Variants in EPM2A observed in about 807,000 individuals in gnomAD.
EPM2A encodes the protein laforin.
EPM2A carries 21 observed loss-of-function variants against 26.5 expected under a neutral mutation model. The observed-to-expected ratio is 0.79, with a 90% CI of 0.56 to 1.14. The LOEUF (loss-of-function observed/expected upper bound fraction) is 1.14. EPM2A is among the 50% of genes most tolerant of loss of function. EPM2A has a pLI of 0.00. For missense variants in EPM2A, 458 were observed against 440.8 expected (o/e 1.04, Z -0.35); for synonymous variants, 217 against 177.6 (o/e 1.22, Z -1.76).
intron 4 of EPM2A, among the ~76,000 whole-genome samples, chr6:145,399,271 C>T (rs946626156): frequency 6.6e-6 from 1 of 152,120 alleles, no homozygotes; most frequent in Admixed American, 6.6e-5. Context: ...TTGCTCTCCC[C>T]TAGGTTATGT....
chr6:145,664,989 G>A (rs1386824897), intron 2 of EPM2A, among the ~76,000 whole-genome samples: 3 of 117,312 alleles, frequency 2.6e-5, no homozygotes, highest in Non-Finnish European at 5.2e-5. Context: ...CAACATACCA[G>A]AATCTCTGGG....
rs563302097 is a variant in EPM2A at position 145,654,080 on chromosome 6, C to A, written c.477-18594G>T. On this transcript the variant is annotated intron_variant, in intron 2 of 3. Coordinates refer to ENST00000367519, the MANE Select transcript of EPM2A (RefSeq NM_005670.4). ...AGCTCCAGTAGGGCAGTGAGCTTTT[C>A]TTGAACTTCTTTTATCTTCCACTGT... Among the ~76,000 whole-genome samples the A allele has an allele frequency of 1.9e-4, 29 of 152,276 alleles. No individual in the cohort carries two copies. In the South Asian group the frequency reaches 5.2e-3, roughly 27 times the overall value.
intron 2 of EPM2A, among the ~76,000 whole-genome samples, chr6:145,545,038 ATCT>A (rs759467968): frequency 1.6e-4 from 24 of 152,286 alleles, no homozygotes; most frequent in Admixed American, 5.2e-4. Flanking sequence ...CATTCAATAA[ATCT>A]TCTACATTAT....
chr6:145,509,358 T>C (rs2114760853), intron 2 of EPM2A, among the ~76,000 whole-genome samples: 1 of 152,264 alleles, frequency 6.6e-6, no homozygotes, highest in Non-Finnish European at 1.5e-5. Context: ...CATATTATCC[T>C]TAAAGGGGAA....
At chr6:145,716,770 T>A (rs1181372300) in intron 1 of EPM2A, among the ~76,000 whole-genome samples, 2 of 152,276 alleles carry the variant, frequency 1.3e-5, no homozygotes, top group East Asian at 3.9e-4. Flanking sequence ...CAACTTTGGC[T>A]CTTTCCTTGC....
chr6:145,458,173 T>C (rs2114714295), intron 4 of EPM2A, among the ~76,000 whole-genome samples: 1 of 152,348 alleles, frequency 6.6e-6, no homozygotes, highest in South Asian at 2.1e-4. Flanking sequence ...CCTGTGTTCG[T>C]CTATCATTAG....
intron 2 of EPM2A, among the ~76,000 whole-genome samples, chr6:145,684,351 C>T (rs1377173152): frequency 6.6e-6 from 1 of 152,010 alleles, no homozygotes; most frequent in Non-Finnish European, 1.5e-5. Context: ...CTCCAGAGCC[C>T]AAGATATGAC....
At chr6:145,522,140 G>C (rs889307510) in intron 2 of EPM2A, among the ~76,000 whole-genome samples, 1 of 152,094 alleles carries the variant, frequency 6.6e-6, no homozygotes, top group African/African-American at 2.4e-5. Context: ...TTTTAGAAGA[G>C]ACGGGGTTTC....
chr6:145,515,762 C>T (rs1357871475), intron 2 of EPM2A, among the ~76,000 whole-genome samples: 2 of 152,172 alleles, frequency 1.3e-5, no homozygotes, highest in Non-Finnish European at 2.9e-5. Context: ...ATTTATAGGT[C>T]TTAACTAAAT....
At chr6:145,424,777 CA>C (rs1778830649) in intron 4 of EPM2A, among the ~76,000 whole-genome samples, 1 of 152,100 alleles carries the variant, frequency 6.6e-6, no homozygotes, top group Non-Finnish European at 1.5e-5. Context: ...CGTGAGGATG[CA>C]GAGAAAAGGC....
intron 1 of EPM2A, among the ~76,000 whole-genome samples, chr6:145,687,392 T>A (rs1052990680): frequency 3.3e-5 from 5 of 152,042 alleles, no homozygotes; most frequent in Non-Finnish European, 7.4e-5. Context: ...CTATTGTTCA[T>A]AAGCTAACCA....
intron 2 of EPM2A, among the ~76,000 whole-genome samples, chr6:145,509,890 G>C (rs1042632043): frequency 2.6e-5 from 4 of 151,952 alleles, no homozygotes; most frequent in Non-Finnish European, 5.9e-5. Context: ...GATGGAGAAA[G>C]GTCTATCATT....
intron 2 of EPM2A, among the ~76,000 whole-genome samples, chr6:145,514,739 G>A (rs1222576099): frequency 6.6e-6 from 1 of 152,168 alleles, no homozygotes; most frequent in Non-Finnish European, 1.5e-5. Context: ...CAGAGATGCT[G>A]TTAAACATTC....
chr6:145,575,483 A>G (rs964689720), intron 2 of EPM2A, among the ~76,000 whole-genome samples: 1 of 152,182 alleles, frequency 6.6e-6, no homozygotes, highest in Non-Finnish European at 1.5e-5. Context: ...ACTCTCACTC[A>G]GGGCAATCTT....
chr6:145,457,923 A>G (rs1779282289), intron 4 of EPM2A, among the ~76,000 whole-genome samples: 1 of 152,262 alleles, frequency 6.6e-6, no homozygotes, highest in Admixed American at 6.5e-5. Context: ...AAATAAAACA[A>G]GAAACTTATT....
At chr6:145,480,349 C>T (rs1779598085) in intron 4 of EPM2A, among the ~76,000 whole-genome samples, 1 of 151,892 alleles carries the variant, frequency 6.6e-6, no homozygotes, top group Admixed American at 6.6e-5. Flanking sequence ...TTTAAACAAG[C>T]AGATCTTGTG....
At chr6:145,534,486 T>C (rs386344) in intron 2 of EPM2A, among the ~76,000 whole-genome samples, 69,743 of 152,092 alleles carry the variant, frequency 0.46, 16,013 homozygotes, top group South Asian at 0.59. Flanking sequence ...GCAGTCATTT[T>C]TACAAAAACA....
At chr6:145,528,089 C>A (rs769433157) in intron 2 of EPM2A, among the ~76,000 whole-genome samples, 27 of 152,142 alleles carry the variant, frequency 1.8e-4, no homozygotes, top group Non-Finnish European at 3.7e-4. Context: ...ATGAAGGCTG[C>A]AAGCGGTGAG....
intron 2 of EPM2A, among the ~76,000 whole-genome samples, chr6:145,571,445 A>G (rs1582863849): frequency 6.6e-6 from 1 of 152,230 alleles, no homozygotes; most frequent in African/African-American, 2.4e-5. Context: ...GTGGAATACC[A>G]TGATGGTGGA....
Sources: gnomAD v4.1 joint callset for allele counts (sites outside exome capture counted in the v4.1 genomes callset) on GRCh38, gnomAD v4.1.1 for gene constraint, MANE v1.5 for transcripts, NCBI Gene and HGNC (gene_info 2026-07-23, HGNC 2026-07-21) for gene names.